PHEX: variants seen among roughly 807,000 people sequenced by gnomAD.
The protein encoded by PHEX is phosphate regulating endopeptidase X-linked, also known as phosphate-regulating neutral endopeptidase PHEX.
Under a neutral mutation model 68.0 loss-of-function variants are expected in PHEX, and 16 were observed. That is an observed-to-expected ratio of 0.24 (90% CI 0.16 to 0.36). The LOEUF is 0.36. Ranked by LOEUF, PHEX falls within the 10% of genes least tolerant of loss-of-function variation. PHEX has a pLI of 1.00. For missense variants in PHEX, 480 were observed against 575.5 expected, an observed-to-expected ratio of 0.83 and a Z score of 1.70; for synonymous variants, 208 against 205.1, an observed-to-expected ratio of 1.01 and a Z score of -0.12.
rs1258148786 is a variant in PHEX at position 22,179,662 on chromosome X, T to A, written c.1586+1286T>A. Among the ~76,000 whole-genome samples the A allele has an allele frequency of 3.6e-5, 4 of 112,220 alleles. No homozygotes were observed. In the East Asian group the frequency reaches 1.1e-3, roughly 31 times the overall value. On this transcript the variant is annotated intron_variant, in intron 14 of 21. Transcript: ENST00000379374. Reference sequence around the variant, plus strand: ...CTGTGAATGCCATTATTTCATTCCTTTTTATGGCTGACAACTTCGGAATTT... The same window carrying A: ...CTGTGAATGCCATTATTTCATTCCTATTTATGGCTGACAACTTCGGAATTT...
rs1927010936 is a variant in PHEX at position 22,036,161 on chromosome X, G to C, written c.119-2308G>C. On this transcript the variant is annotated intron_variant, in intron 1 of 21. Transcript: ENST00000379374. ...TACAACCTCCGCCTCCTGGGTTCAA[G>C]CAATTATCCTGCCTCAGCCTCCTGA... is the stretch of plus-strand genomic sequence containing the variant. Among the ~76,000 whole-genome samples, 4 of 102,009 alleles carry C rather than the reference G, an allele frequency of 3.9e-5. No homozygotes were observed. In the South Asian group the frequency reaches 1.8e-3, roughly 46 times the overall value. The allele number at this position is 102,009 out of a possible 115,157, so 88.6% of individuals were successfully genotyped here.
At chrX:22,168,537 A>C in intron 13 of PHEX, 148 bp downstream of exon 13, 4 of 487,527 alleles carry the variant, frequency 8.2e-6, no homozygotes, top group Non-Finnish European at 1.5e-5. Flanking sequence ...ATGAGCCTGA[A>C]TATGCCAGGC....
chrX:22,234,442 G>A (rs1344086994), intron 20 of PHEX, among the ~76,000 whole-genome samples: 1 of 110,092 alleles, frequency 9.1e-6, no homozygotes, highest in Non-Finnish European at 1.9e-5. Flanking sequence ...TGGGGCTGTT[G>A]CCTTTTTTTT....
chrX:22,230,808 T>C (rs5904633), intron 20 of PHEX, among the ~76,000 whole-genome samples: 41,338 of 110,333 alleles, frequency 0.37, 6,096 homozygotes, highest in African/African-American at 0.48. Flanking sequence ...GAACTTCCAA[T>C]ACTATGTTGA....
intron 15 of PHEX, among the ~76,000 whole-genome samples, chrX:22,209,744 G>GCTCCCTCTC (rs1215563079): frequency 3.9e-4 from 27 of 68,363 alleles, no homozygotes; most frequent in South Asian, 2.0e-3. Context: ...TGCTCCCTCT[G>GCTCCCTCTC]CTCCCTCTCC....
chrX:22,226,341 A>G lies in PHEX; in HGVS notation c.1900-102A>G, dbSNP rs1004604734. On this transcript the variant is annotated intron_variant, in intron 18 of 21. Transcript: ENST00000379374. ...TATTGAATGTGATTTTCTCTTTAAA[A>G]TATGATACTTTTCTTGCTATAATAT... 28 of 602,597 alleles carry G rather than the reference A, an allele frequency of 4.6e-5. No homozygotes were observed. The South Asian group carries it at 6.6e-4, about 14-fold the overall frequency. The allele number at this position is 602,597 out of a possible 1,213,427, so 49.7% of individuals were successfully genotyped here.
At chrX:22,225,767 T>C (rs1935474044) in intron 18 of PHEX, among the ~76,000 whole-genome samples, 1 of 112,415 alleles carries the variant, frequency 8.9e-6, no homozygotes, top group Admixed American at 9.4e-5. Flanking sequence ...AAGCAGCAGG[T>C]TGGATTTGGC....
chrX:22,083,036 T>C (rs1206743878), intron 5 of PHEX, among the ~76,000 whole-genome samples: 1 of 111,335 alleles, frequency 9.0e-6, no homozygotes, highest in Non-Finnish European at 1.9e-5. Context: ...AGCCCAGAAA[T>C]AAAGCTGCAC....
At chrX:22,110,080 T>C (rs1282214548) in intron 9 of PHEX, among the ~76,000 whole-genome samples, 1 of 112,111 alleles carries the variant, frequency 8.9e-6, no homozygotes, top group Non-Finnish European at 1.9e-5. Context: ...TAGCCAATAT[T>C]TTGCTGTTAG....
At chrX:22,107,273 A>G (rs976611290) in intron 9 of PHEX, among the ~76,000 whole-genome samples, 1 of 111,613 alleles carries the variant, frequency 9.0e-6, no homozygotes, top group African/African-American at 3.3e-5. Context: ...CACCACCACC[A>G]TTGGGCCCCC....
chrX:22,082,169 A>G (rs1261764968), intron 5 of PHEX, among the ~76,000 whole-genome samples: 1 of 112,085 alleles, frequency 8.9e-6, no homozygotes, highest in Admixed American at 9.5e-5. Flanking sequence ...TTCATGGTAC[A>G]TGTGATAATC....
At chrX:22,193,180 T>C (rs1056110799) in intron 15 of PHEX, among the ~76,000 whole-genome samples, 2 of 111,063 alleles carry the variant, frequency 1.8e-5, no homozygotes, top group Non-Finnish European at 3.8e-5. Context: ...CTTATAATAA[T>C]TTATTATTAA....
intron 3 of PHEX, among the ~76,000 whole-genome samples, chrX:22,063,553 G>A (rs771321880): frequency 1.9e-4 from 21 of 111,867 alleles, no homozygotes; most frequent in Non-Finnish European, 5.6e-5. Context: ...AGGCAATTGT[G>A]TTTCGCCTGA....
intron 12 of PHEX, among the ~76,000 whole-genome samples, chrX:22,136,178 A>G (rs1932223449): frequency 1.6e-5 from 1 of 61,795 alleles, no homozygotes; most frequent in South Asian, 5.2e-4. Flanking sequence ...GTTGTTTTTG[A>G]AAAAAAAAAA....
chrX:22,120,250 G>A (rs190422270), intron 11 of PHEX, among the ~76,000 whole-genome samples: 15 of 111,383 alleles, frequency 1.3e-4, no homozygotes, highest in Non-Finnish European at 2.4e-4. Context: ...TAAATTCTCT[G>A]GAGTCATATA....
chrX:22,123,592 T>C (rs1201892669), intron 11 of PHEX, among the ~76,000 whole-genome samples: 1 of 111,082 alleles, frequency 9.0e-6, no homozygotes, highest in Non-Finnish European at 1.9e-5. Flanking sequence ...AACTTCTGCA[T>C]TTAGATTGCC....
At chrX:22,230,110 T>G (rs763626730) in intron 20 of PHEX, among the ~76,000 whole-genome samples, 1 of 110,600 alleles carries the variant, frequency 9.0e-6, no homozygotes, top group East Asian at 2.8e-4. Context: ...ATATATCTGT[T>G]TTGGTACCAG....
At position 22,082,393 on chromosome X, in the gene PHEX, A is replaced by G. The variant is rs187923105; in HGVS notation, c.663+4691A>G. On this transcript the variant is annotated intron_variant, in intron 5 of 21. Transcript: ENST00000379374. ...TATTATTTATTGACTTTTTGATAAT[A>G]ACCATTCTGACTGGTGTGAGATGGT... is the stretch of plus-strand genomic sequence containing the variant. 2.7e-5 allele frequency among the ~76,000 whole-genome samples: 3 copies of G among 112,454 alleles called. No individual in the cohort carries two copies. The East Asian group carries it at 8.4e-4, about 32-fold the overall frequency.
intron 3 of PHEX, among the ~76,000 whole-genome samples, chrX:22,049,863 C>CA (rs1207735763): frequency 0.021 from 2,019 of 97,252 alleles, 26 homozygotes; most frequent in African/African-American, 0.051. Flanking sequence ...AACTCTGTCT[C>CA]AAAAAAAAAA....
Sources: gnomAD v4.1 joint callset for allele counts (sites outside exome capture counted in the v4.1 genomes callset) on GRCh38, gnomAD v4.1.1 for gene constraint, MANE v1.5 for transcripts, NCBI Gene and HGNC (gene_info 2026-07-23, HGNC 2026-07-21) for gene names.